SLC9A2: variants seen among roughly 807,000 people sequenced by gnomAD.
The protein encoded by SLC9A2 is solute carrier family 9 member A2.
In SLC9A2, 42 loss-of-function variants were observed where a neutral mutation model predicts 71.7. The observed-to-expected ratio is 0.59, with a 90% CI of 0.46 to 0.76. The LOEUF (loss-of-function observed/expected upper bound fraction) is 0.76, where lower values mean the gene tolerates loss of function less well. Ranked by LOEUF, SLC9A2 falls within the 30% of genes least tolerant of loss-of-function variation. The pLI, the probability that SLC9A2 is intolerant of heterozygous loss-of-function variation, is 0.00. For synonymous variants in SLC9A2, 396 were observed against 392.5 expected (o/e 1.01, Z -0.10); for missense variants, 829 against 1,017.4 (o/e 0.81, Z 2.52).
chr2:102,636,936 A>G (rs771813520), intron 1 of SLC9A2, among the ~76,000 whole-genome samples: 6 of 152,138 alleles, frequency 3.9e-5, no homozygotes, highest in African/African-American at 7.2e-5. Flanking sequence ...CTTCAGAATG[A>G]TCTCTTCAAA....
chr2:102,665,134 T>A lies in SLC9A2; in HGVS notation c.788T>A (p.Met263Lys). 1 of 1,614,076 alleles carries A rather than the reference T, an allele frequency of 6.2e-7. No homozygotes were observed. The highest frequency in any genetic ancestry group is 1.3e-5 in the African/African-American group (1 of 74,990). ...LYNLFKSFCQ[M>K]KTIETIDVFA... is the part of the protein sequence containing the mutation. ...AACTTGTTCAAGTCGTTTTGCCAGA[T>A]GAAAACCATTGAGACCATTGATGTG... The change falls in exon 3 of 12, where the codon ATG becomes AAG. Residue 263 changes from methionine (M) to lysine (K), a missense_variant. By Grantham distance (95) the Met-to-Lys change is moderately conservative. Coordinates refer to ENST00000233969, the MANE Select transcript of SLC9A2 (RefSeq NM_003048.6).
chr2:102,700,761 G>A (rs1677856884), intron 7 of SLC9A2, among the ~76,000 whole-genome samples: 2 of 152,016 alleles, frequency 1.3e-5, no homozygotes, highest in Admixed American at 6.6e-5. Flanking sequence ...CTAGATTTAT[G>A]TGCATCAGGG....
chr2:102,688,538 G>A (rs187292907), intron 5 of SLC9A2, among the ~76,000 whole-genome samples: 4 of 152,158 alleles, frequency 2.6e-5, no homozygotes, highest in African/African-American at 9.7e-5. Flanking sequence ...GACCATTCTG[G>A]CCAACATGGT....
chr2:102,687,586 A>G (rs1677571132), intron 5 of SLC9A2, among the ~76,000 whole-genome samples: 1 of 152,194 alleles, frequency 6.6e-6, no homozygotes, highest in Non-Finnish European at 1.5e-5. Context: ...TTATATGATA[A>G]GCTCTTCCAA....
At chr2:102,660,672 T>C (rs1677031527) in intron 2 of SLC9A2, among the ~76,000 whole-genome samples, 1 of 152,164 alleles carries the variant, frequency 6.6e-6, no homozygotes, top group Non-Finnish European at 1.5e-5. Context: ...AAGGAACTCA[T>C]GGACTTTGGA....
At chr2:102,622,291 C>G (rs893466606) in intron 1 of SLC9A2, among the ~76,000 whole-genome samples, 6 of 152,154 alleles carry the variant, frequency 3.9e-5, no homozygotes, top group Non-Finnish European at 8.8e-5. Context: ...CAGAAGCACA[C>G]AAAGTGGCGA....
intron 1 of SLC9A2, among the ~76,000 whole-genome samples, chr2:102,641,671 C>T (rs1676584510): frequency 6.6e-6 from 1 of 152,082 alleles, no homozygotes; most frequent in South Asian, 2.1e-4. Context: ...ACCTGCTCGA[C>T]ATCCTTCTTC....
intron 1 of SLC9A2, among the ~76,000 whole-genome samples, chr2:102,634,918 G>A (rs1676439627): frequency 6.6e-6 from 1 of 152,220 alleles, no homozygotes; most frequent in Admixed American, 6.5e-5. Context: ...CCCTCCTCCG[G>A]ACACTTCCTG....
intron 7 of SLC9A2, among the ~76,000 whole-genome samples, chr2:102,699,038 G>A (rs549520363): frequency 1.3e-5 from 2 of 152,274 alleles, no homozygotes; most frequent in East Asian, 3.9e-4. Flanking sequence ...GAGACAGAAA[G>A]TAAGACAAGT....
At chr2:102,656,175 C>T (rs1399264680) in intron 1 of SLC9A2, among the ~76,000 whole-genome samples, 1 of 152,220 alleles carries the variant, frequency 6.6e-6, no homozygotes, top group East Asian at 1.9e-4. Context: ...TGTCCAGTGA[C>T]CTTCGTGTGT....
At chr2:102,636,099 T>C (rs556374839) in intron 1 of SLC9A2, among the ~76,000 whole-genome samples, 29 of 152,308 alleles carry the variant, frequency 1.9e-4, no homozygotes, top group Middle Eastern at 6.8e-3. Context: ...ACTGTAGAAC[T>C]ATATGGAACT....
At chr2:102,659,912 A>G (rs568917699) in intron 2 of SLC9A2, among the ~76,000 whole-genome samples, 39 of 152,352 alleles carry the variant, frequency 2.6e-4, no homozygotes, top group Non-Finnish European at 4.9e-4. Context: ...GGAACTTTAC[A>G]AAGAAATAAA....
chr2:102,634,294 T>C (rs1012229458), intron 1 of SLC9A2, among the ~76,000 whole-genome samples: 2 of 152,194 alleles, frequency 1.3e-5, no homozygotes, highest in African/African-American at 4.8e-5. Context: ...TATACTATTA[T>C]TGGATATACT....
chr2:102,667,222 G>A (rs1677158648), intron 3 of SLC9A2, among the ~76,000 whole-genome samples: 3 of 151,748 alleles, frequency 2.0e-5, no homozygotes, highest in African/African-American at 7.3e-5. Flanking sequence ...ATGACTTCCA[G>A]TTTCCTCACT....
At chr2:102,635,311 C>T (rs1348587664) in intron 1 of SLC9A2, among the ~76,000 whole-genome samples, 2 of 152,180 alleles carry the variant, frequency 1.3e-5, no homozygotes, top group African/African-American at 4.8e-5. Flanking sequence ...ATACATTGTT[C>T]GTGTTAACAC....
chr2:102,673,069 T>C (rs1677285272), intron 3 of SLC9A2, among the ~76,000 whole-genome samples: 1 of 152,200 alleles, frequency 6.6e-6, no homozygotes, highest in East Asian at 1.9e-4. Context: ...AGTAGGATTA[T>C]GTATTCCATT....
In SLC9A2 at chr2:102,710,205, ATC is replaced by A. The variant is rs1400939306; in HGVS notation, c.*1720_*1721del. ...ACAGGCTTAGGACTCTGTGCCAAAA[ATC>A]TCTATTTTAAATGAAAATATTTATA... On this transcript the variant is annotated 3_prime_UTR_variant, in exon 12 of 12. Coordinates refer to ENST00000233969, the MANE Select transcript of SLC9A2 (RefSeq NM_003048.6). The A allele has an allele frequency of 6.5e-6, 1 of 152,728 alleles. No homozygotes were observed. Among genetic ancestry groups the A allele is most frequent in the East Asian group, 1.9e-4 (1 of 5,304 alleles). The allele number at this position is 152,728 out of a possible 1,614,324, so 9.5% of individuals were successfully genotyped here.
intron 2 of SLC9A2, among the ~76,000 whole-genome samples, chr2:102,664,314 C>A (rs539773520): frequency 2.3e-4 from 35 of 151,584 alleles, no homozygotes; most frequent in Admixed American, 7.9e-4. Context: ...CTCATTACAG[C>A]ATGAAGTTTT....
intron 1 of SLC9A2, among the ~76,000 whole-genome samples, chr2:102,621,104 C>T (rs1676127954): frequency 6.6e-6 from 1 of 151,984 alleles, no homozygotes; most frequent in South Asian, 2.1e-4. Context: ...TGCATTGAAC[C>T]GAGATTGCCA....
Sources: gnomAD v4.1 joint callset for allele counts (sites outside exome capture counted in the v4.1 genomes callset) on GRCh38, gnomAD v4.1.1 for gene constraint, MANE v1.5 for transcripts, NCBI Gene and HGNC (gene_info 2026-07-23, HGNC 2026-07-21) for gene names.